Variants in CCDC192 observed in about 807,000 individuals in gnomAD.
CCDC192 encodes the protein coiled-coil domain-containing protein 192.
At chr5:127,814,640 T>G (rs1758273718) in intron 5 of CCDC192, among the ~76,000 whole-genome samples, 1 of 152,230 alleles carries the variant, frequency 6.6e-6, no homozygotes, top group Non-Finnish European at 1.5e-5. Flanking sequence ...TTGGGAGATC[T>G]TTCTATGACT....
intron 3 of CCDC192, among the ~76,000 whole-genome samples, chr5:127,776,112 T>A (rs904446099): frequency 2.0e-5 from 3 of 152,102 alleles, no homozygotes; most frequent in African/African-American, 7.2e-5. Flanking sequence ...TGGGCAGAGG[T>A]TGGAAAAGTT....
At chr5:127,856,947 C>A (rs955939938) in intron 5 of CCDC192, among the ~76,000 whole-genome samples, 3 of 152,134 alleles carry the variant, frequency 2.0e-5, no homozygotes, top group African/African-American at 7.2e-5. Flanking sequence ...CAAGAGTTAC[C>A]AAGATGTGAC....
At chr5:127,772,352 T>C (rs1005957934) in intron 3 of CCDC192, among the ~76,000 whole-genome samples, 1 of 151,170 alleles carries the variant, frequency 6.6e-6, no homozygotes, top group African/African-American at 2.4e-5. Context: ...CCAGCTACTC[T>C]GGAGGCTGGA....
chr5:127,907,277 T>A (rs1200077151), intron 6 of CCDC192, among the ~76,000 whole-genome samples: 1 of 152,082 alleles, frequency 6.6e-6, no homozygotes, highest in Non-Finnish European at 1.5e-5. Context: ...AATAAAATAA[T>A]TCATTTATAT....
intron 5 of CCDC192, among the ~76,000 whole-genome samples, chr5:127,853,520 C>G (rs1025571002): frequency 3.3e-5 from 5 of 152,264 alleles, no homozygotes; most frequent in Non-Finnish European, 5.9e-5. Flanking sequence ...TGCCTGTAAT[C>G]CCAAAACTTT....
chr5:127,922,608 GCA>G (rs1170457211), intron 6 of CCDC192, among the ~76,000 whole-genome samples: 1 of 152,142 alleles, frequency 6.6e-6, no homozygotes, highest in Non-Finnish European at 1.5e-5. Context: ...TGGTGTGGTG[GCA>G]CACACTTGTA....
At chr5:127,773,786 G>T (rs1444956457) in intron 3 of CCDC192, among the ~76,000 whole-genome samples, 1 of 152,168 alleles carries the variant, frequency 6.6e-6, no homozygotes, top group African/African-American at 2.4e-5. Context: ...TGTACAAGTA[G>T]AATTGCTGGA....
At chr5:127,778,577 G>T (rs1015968763) in intron 3 of CCDC192, among the ~76,000 whole-genome samples, 1 of 152,082 alleles carries the variant, frequency 6.6e-6, no homozygotes, top group Non-Finnish European at 1.5e-5. Context: ...TAGTTTTCCT[G>T]TACTATTTTG....
chr5:127,745,586 T>A (rs1002270702), intron 2 of CCDC192, among the ~76,000 whole-genome samples: 1 of 152,226 alleles, frequency 6.6e-6, no homozygotes, highest in Non-Finnish European at 1.5e-5. Flanking sequence ...AATAACTTTA[T>A]ATTTAGGTAG....
intron 2 of CCDC192, among the ~76,000 whole-genome samples, chr5:127,741,196 G>A (rs2126840772): frequency 6.6e-6 from 1 of 152,126 alleles, no homozygotes; most frequent in Admixed American, 6.5e-5. Context: ...AAGTAGCTGG[G>A]ACTGCAGGCA....
chr5:127,705,038 C>A (rs148696440), intron 1 of CCDC192, among the ~76,000 whole-genome samples: 1 of 152,060 alleles, frequency 6.6e-6, no homozygotes, highest in Non-Finnish European at 1.5e-5. Context: ...ATCATTACTC[C>A]CTGCCAATAG....
intron 5 of CCDC192, among the ~76,000 whole-genome samples, chr5:127,816,426 T>G (rs1749030539): frequency 6.6e-6 from 1 of 152,214 alleles, no homozygotes; most frequent in Non-Finnish European, 1.5e-5. Flanking sequence ...ATATCAGTCA[T>G]GTTCTTGTTT....
chr5:127,742,012 C>T (rs978738945), intron 2 of CCDC192, among the ~76,000 whole-genome samples: 1 of 152,146 alleles, frequency 6.6e-6, no homozygotes, highest in Admixed American at 6.5e-5. Context: ...AACCTAATCC[C>T]AAGATTTCTG....
At chr5:127,859,388 T>C (rs1041001153) in intron 5 of CCDC192, among the ~76,000 whole-genome samples, 2 of 152,224 alleles carry the variant, frequency 1.3e-5, no homozygotes, top group Non-Finnish European at 2.9e-5. Flanking sequence ...CTGATTCTTA[T>C]GTGTCCTTAT....
intron 5 of CCDC192, among the ~76,000 whole-genome samples, chr5:127,874,926 G>T (rs760214639): frequency 6.6e-6 from 1 of 152,022 alleles, no homozygotes; most frequent in Non-Finnish European, 1.5e-5. Flanking sequence ...CAAAGATTTC[G>T]ATCTCATAAA....
At chr5:127,765,622 AGC>A (rs1239702999) in intron 3 of CCDC192, among the ~76,000 whole-genome samples, 3 of 152,240 alleles carry the variant, frequency 2.0e-5, no homozygotes, top group Non-Finnish European at 4.4e-5. Context: ...CAAGGAGCAC[AGC>A]CTGTTTGGGA....
chr5:127,875,021 T>C (rs973158500), intron 5 of CCDC192, among the ~76,000 whole-genome samples: 2 of 151,604 alleles, frequency 1.3e-5, no homozygotes, highest in African/African-American at 4.9e-5. Flanking sequence ...CCTTGACACT[T>C]TCCCTGTATG....
At chr5:127,894,200 T>G (rs1051650673) in intron 6 of CCDC192, among the ~76,000 whole-genome samples, 3 of 147,782 alleles carry the variant, frequency 2.0e-5, no homozygotes, top group Non-Finnish European at 3.0e-5. Context: ...TTTTTTTTTT[T>G]TTTTTTTTTT....
intron 6 of CCDC192, among the ~76,000 whole-genome samples, chr5:127,882,191 T>C (rs1175004678): frequency 6.6e-6 from 1 of 152,234 alleles, no homozygotes; most frequent in African/African-American, 2.4e-5. Flanking sequence ...GTAATGGGAT[T>C]GACATTTTAG....
Sources: gnomAD v4.1 joint callset for allele counts (sites outside exome capture counted in the v4.1 genomes callset) on GRCh38, gnomAD v4.1.1 for gene constraint, MANE v1.5 for transcripts, NCBI Gene and HGNC (gene_info 2026-07-23, HGNC 2026-07-21) for gene names.